The following LRTM3 variants were observed in gnomAD, a reference collection of about 807,000 sequenced individuals.
LRTM3 encodes leucine rich repeat transmembrane protein 3.
the LRTM3 span, chr13:102,744,955 A>G: frequency 1.3e-6 from 2 of 1,550,718 alleles, no homozygotes; most frequent in Non-Finnish European, 1.7e-6. Flanking sequence ...GTTTTATTGC[A>G]CCAGTTAAAA....
chr13:102,740,791 T>C, the LRTM3 span: 1 of 1,549,336 alleles, frequency 6.5e-7, no homozygotes. Context: ...CAATTCCTTT[T>C]GTATTTGAAG....
the LRTM3 span, chr13:102,730,266 T>A: frequency 1.3e-6 from 2 of 1,551,462 alleles, no homozygotes; most frequent in Non-Finnish European, 1.7e-6. Context: ...TCAAATAGAA[T>A]GTTTTCTGAT....
chr13:102,749,492 A>G, the LRTM3 span: 1 of 1,551,354 alleles, frequency 6.4e-7, no homozygotes, highest in Non-Finnish European at 8.7e-7. Flanking sequence ...GTTTGAATCT[A>G]TAAACCAAAC....
At chr13:102,743,872 G>A in the LRTM3 span, 1 of 1,550,532 alleles carries the variant, frequency 6.4e-7, no homozygotes, top group South Asian at 1.2e-5. Context: ...GGTTTTTAGA[G>A]TCAGATAAAA....
chr13:102,757,857 A>C, the LRTM3 span, among the ~76,000 whole-genome samples: 1 of 152,194 alleles, frequency 6.6e-6, no homozygotes, highest in Non-Finnish European at 1.5e-5. Context: ...TATGGTTTGA[A>C]TCCCAGTGTT....
At chr13:102,733,860 C>G in the LRTM3 span, 2 of 1,551,350 alleles carry the variant, frequency 1.3e-6, no homozygotes, top group Non-Finnish European at 1.7e-6. Context: ...TACTGTTCTG[C>G]TTGCTTAACA....
the LRTM3 span, chr13:102,734,413 G>A: frequency 6.4e-7 from 1 of 1,551,336 alleles, no homozygotes; most frequent in Admixed American, 2.0e-5. Flanking sequence ...AAAAGAGTAT[G>A]CACATTTTTC....
chr13:102,747,949 T>A, the LRTM3 span: 3 of 1,551,192 alleles, frequency 1.9e-6, no homozygotes, highest in African/African-American at 4.1e-5. Context: ...GCTCTGAATT[T>A]GCCTCTTTCT....
the LRTM3 span, chr13:102,735,891 G>C: frequency 1.0e-5 from 16 of 1,539,400 alleles, no homozygotes; most frequent in East Asian, 3.9e-4. Context: ...ACCACTCCAG[G>C]TTCCTTTTTG....
chr13:102,729,691 A>G, the LRTM3 span: 5 of 1,551,786 alleles, frequency 3.2e-6, no homozygotes, highest in African/African-American at 4.1e-5. Flanking sequence ...AGAAGTTGAT[A>G]TCGTCATGAT....
the LRTM3 span, among the ~76,000 whole-genome samples, chr13:102,755,000 A>G: frequency 1.3e-5 from 2 of 152,128 alleles, no homozygotes; most frequent in African/African-American, 4.8e-5. Flanking sequence ...GCAGACTCTC[A>G]CTCAAGCATG....
the LRTM3 span, chr13:102,748,327 T>C: frequency 6.4e-7 from 1 of 1,551,128 alleles, no homozygotes; most frequent in Non-Finnish European, 8.7e-7. Flanking sequence ...CTGTATTCAC[T>C]TGAATTTTTA....
At chr13:102,737,577 T>G in the LRTM3 span, 1 of 1,550,726 alleles carries the variant, frequency 6.4e-7, no homozygotes, top group Non-Finnish European at 8.7e-7. Context: ...CCTGGCTCTT[T>G]AGGATTCAGT....
the LRTM3 span, chr13:102,732,705 C>T: frequency 7.7e-6 from 12 of 1,551,104 alleles, no homozygotes; most frequent in Non-Finnish European, 1.0e-5. Flanking sequence ...TCCATTCTTC[C>T]TCTCTCCTTC....
the LRTM3 span, chr13:102,729,368 T>G: frequency 9.9e-7 from 1 of 1,014,454 alleles, no homozygotes. Context: ...AGGAAGCCAT[T>G]GGATGTTATA....
the LRTM3 span, chr13:102,743,182 T>G: frequency 6.4e-7 from 1 of 1,550,732 alleles, no homozygotes; most frequent in Non-Finnish European, 8.7e-7. Context: ...CATGTAGTTT[T>G]GCTCCCTTTA....
chr13:102,731,189 G>A, the LRTM3 span: 2 of 1,551,428 alleles, frequency 1.3e-6, no homozygotes, highest in Non-Finnish European at 1.7e-6. Flanking sequence ...ACTGTCACTT[G>A]AAACATCAAC....
At chr13:102,745,234 C>T in the LRTM3 span, 11 of 1,550,776 alleles carry the variant, frequency 7.1e-6, no homozygotes, top group Admixed American at 7.9e-5. Context: ...TTAACAATGC[C>T]TCCTGTTTCC....
the LRTM3 span, chr13:102,744,730 A>AT: frequency 6.4e-7 from 1 of 1,550,528 alleles, no homozygotes. Context: ...TTTTTTGAAT[A>AT]TTTTTATCTT....
Sources: allele counts gnomAD v4.1 joint callset (sites outside exome capture counted in the v4.1 genomes callset), GRCh38; gene constraint gnomAD v4.1.1; transcripts MANE v1.5; gene names NCBI Gene and HGNC (gene_info 2026-07-23, HGNC 2026-07-21).